The following ZNRF1 variants were observed in gnomAD, a reference collection of about 807,000 sequenced individuals.
The protein encoded by ZNRF1 is zinc and ring finger 1, also known as E3 ubiquitin-protein ligase ZNRF1.
Under a neutral mutation model 18.4 loss-of-function variants are expected in ZNRF1, and 3 were observed. The observed-to-expected ratio is 0.16, with a 90% confidence interval of 0.07 to 0.42. The LOEUF is 0.42. Ranked by LOEUF, ZNRF1 falls within the 10% of genes least tolerant of loss-of-function variation. The pLI is 0.99. For missense variants in ZNRF1, 310 were observed against 329.8 expected (o/e 0.94, Z 0.47); for synonymous variants, 157 against 144.2 (o/e 1.09, Z -0.64).
At chr16:75,035,981 C>T (rs748272480) in intron 1 of ZNRF1, among the ~76,000 whole-genome samples, 6 of 152,178 alleles carry the variant, frequency 3.9e-5, no homozygotes, top group Non-Finnish European at 7.3e-5. Flanking sequence ...GGGAGACTAC[C>T]GTTCTCTGGC....
At chr16:75,107,541 AG>A (rs2036332405) in intron 4 of ZNRF1, 191 bp from the exon 5 acceptor site, 2 of 350,542 alleles carry the variant, frequency 5.7e-6, no homozygotes, top group South Asian at 4.1e-5. Context: ...AGAAAGAGCC[AG>A]GGGGGAGAGT....
intron 3 of ZNRF1, chr16:75,105,801 A>C (rs1235983376): frequency 2.0e-5 from 3 of 152,242 alleles, no homozygotes; most frequent in African/African-American, 7.2e-5. Flanking sequence ...GTTGGTTTAC[A>C]AATCAGGAAG....
chr16:75,099,550 A>G (rs886654183), intron 2 of ZNRF1, among the ~76,000 whole-genome samples: 1 of 152,202 alleles, frequency 6.6e-6, no homozygotes, highest in Non-Finnish European at 1.5e-5. Context: ...GGGCAGTGAC[A>G]TTGGCTGGCT....
intron 1 of ZNRF1, among the ~76,000 whole-genome samples, chr16:75,090,951 A>G (rs553034456): frequency 2.0e-5 from 3 of 152,178 alleles, no homozygotes; most frequent in African/African-American, 7.2e-5. Flanking sequence ...GAGTTTAACT[A>G]TGTTGCTCAG....
In ZNRF1 at chr16:75,006,971, A is replaced by T. The variant is rs980394599; in HGVS notation, c.424+6876A>T. Among the ~76,000 whole-genome samples the T allele has an allele frequency of 1.3e-4, 19 of 151,628 alleles. 1 individual carries two copies. The highest frequency in any genetic ancestry group is 4.4e-4 in the African/African-American group (18 of 41,318). On this transcript the variant is annotated intron_variant, in intron 1 of 4. Coordinates refer to ENST00000335325, the MANE Select transcript of ZNRF1 (RefSeq NM_032268.5). Reference sequence around the variant, plus strand: ...TGGGTTTCTGTCCTTTATGTGCTGTATGGATGAAGGATGAGTTGTGGGTAT... The same window carrying T: ...TGGGTTTCTGTCCTTTATGTGCTGTTTGGATGAAGGATGAGTTGTGGGTAT...
At chr16:75,038,560 C>CTGAAGAGCTGGTAAGAAGAGCTGGGGA (rs2035402508) in intron 1 of ZNRF1, among the ~76,000 whole-genome samples, 1 of 152,208 alleles carries the variant, frequency 6.6e-6, no homozygotes, top group African/African-American at 2.4e-5. Context: ...GGAGAGGGGA[C>CTGAAGAGCTGGTAAGAAGAGCTGGGGA]ATTGCTGAAG....
In ZNRF1 at chr16:75,110,395, G is replaced by C. The variant is rs2145437006; in HGVS notation, c.*2695G>C. 6.6e-6 allele frequency: 1 copy of C among 152,372 alleles called. No homozygotes were observed. Among genetic ancestry groups the C allele is most frequent in the Middle Eastern group, 3.4e-3 (1 of 294 alleles). 9.4% of individuals were successfully genotyped at this position (152,372 alleles called of 1,614,324 possible). A position where few individuals can be genotyped will look rare whatever the true frequency, so the allele number is the denominator to read the frequency against. ...TTCTACCCTCTCTGCTAAGGGCCTA[G>C]CACACTTTGATGAGGTTCCTGGACG... On this transcript the variant is annotated 3_prime_UTR_variant, in exon 5 of 5. Coordinates refer to ENST00000335325, the MANE Select transcript of ZNRF1 (RefSeq NM_032268.5).
chr16:75,005,403 A>G (rs1419128301), intron 1 of ZNRF1, among the ~76,000 whole-genome samples: 1 of 152,242 alleles, frequency 6.6e-6, no homozygotes, highest in African/African-American at 2.4e-5. Context: ...GATATTAAAC[A>G]AAGACCCACC....
intron 2 of ZNRF1, among the ~76,000 whole-genome samples, chr16:75,094,978 G>A (rs1176075131): frequency 6.6e-6 from 1 of 152,086 alleles, no homozygotes; most frequent in East Asian, 1.9e-4. Context: ...GTTTCCTAGG[G>A]AGACTCTTCT....
intron 1 of ZNRF1, among the ~76,000 whole-genome samples, chr16:75,067,766 T>C (rs1219753419): frequency 6.6e-6 from 1 of 152,084 alleles, no homozygotes; most frequent in East Asian, 1.9e-4. Context: ...TGGAGAAACA[T>C]TAACTGGATC....
chr16:75,076,996 A>C (rs1436039936), intron 1 of ZNRF1, among the ~76,000 whole-genome samples: 1 of 152,096 alleles, frequency 6.6e-6, no homozygotes, highest in Non-Finnish European at 1.5e-5. Flanking sequence ...TTATTGTTTA[A>C]GCCGTCCAGT....
At chr16:75,089,596 C>T (rs4888340) in intron 1 of ZNRF1, among the ~76,000 whole-genome samples, 139,569 of 152,218 alleles carry the variant, frequency 0.92, 64,026 homozygotes, top group Non-Finnish European at 0.93. Flanking sequence ...CCTACCCTGA[C>T]GGAAAGGACT....
At chr16:75,095,669 C>T in intron 2 of ZNRF1, 2 of 1,550,058 alleles carry the variant, frequency 1.3e-6, no homozygotes, top group South Asian at 1.2e-5. Context: ...TTTGCAAGAG[C>T]AGCCGTGGAG....
At chr16:75,079,130 G>T (rs1033337004) in intron 1 of ZNRF1, among the ~76,000 whole-genome samples, 3 of 152,170 alleles carry the variant, frequency 2.0e-5, no homozygotes, top group Non-Finnish European at 4.4e-5. Flanking sequence ...CTATTTTAGG[G>T]AGCTTAGAAT....
At chr16:75,044,781 G>A (rs2035493365) in intron 1 of ZNRF1, among the ~76,000 whole-genome samples, 1 of 152,140 alleles carries the variant, frequency 6.6e-6, no homozygotes, top group African/African-American at 2.4e-5. Context: ...CTTGGAAAAG[G>A]GACTGCGTTT....
chr16:75,071,098 C>CTTTT (rs56690008), intron 1 of ZNRF1, among the ~76,000 whole-genome samples: 4 of 143,466 alleles, frequency 2.8e-5, no homozygotes, highest in Non-Finnish European at 3.0e-5. Context: ...GCACAGGTGT[C>CTTTT]TTTTTTTTTT....
chr16:75,078,961 A>G (rs1324994698), intron 1 of ZNRF1, among the ~76,000 whole-genome samples: 1 of 152,182 alleles, frequency 6.6e-6, no homozygotes, highest in Admixed American at 6.5e-5. Flanking sequence ...TTTACAAGGT[A>G]TGTCCATGTT....
At chr16:75,040,598 G>T (rs1343609751) in intron 1 of ZNRF1, among the ~76,000 whole-genome samples, 1 of 46,356 alleles carries the variant, frequency 2.2e-5, no homozygotes, top group African/African-American at 8.0e-5. Context: ...TTTTTTGTGG[G>T]TTTTTTTTTT....
rs1357919385 is a variant in ZNRF1, at chr16:75,106,611, G to C, written c.*32+40G>C. Reference sequence around the variant, plus strand: ...GGGGGTGCTCCGGGCTCAAGGCTTGGGGTCAGGTCACTTTGGGGGCCTGCA... The same window carrying C: ...GGGGGTGCTCCGGGCTCAAGGCTTGCGGTCAGGTCACTTTGGGGGCCTGCA... On this transcript the variant is annotated intron_variant, in intron 4 of 4. Coordinates refer to ENST00000335325, the MANE Select transcript of ZNRF1 (RefSeq NM_032268.5). 4 of 1,585,842 alleles carry C rather than the reference G, an allele frequency of 2.5e-6. No homozygotes were observed. In the East Asian group the frequency reaches 9.0e-5, roughly 36 times the overall value.
Sources: gnomAD v4.1 joint callset for allele counts (sites outside exome capture counted in the v4.1 genomes callset) on GRCh38, gnomAD v4.1.1 for gene constraint, MANE v1.5 for transcripts, NCBI Gene and HGNC (gene_info 2026-07-23, HGNC 2026-07-21) for gene names.